Variants in KCNJ6 observed in about 807,000 individuals in gnomAD.
KCNJ6 encodes the protein potassium inwardly rectifying channel subfamily J member 6.
Under a neutral mutation model 34.2 loss-of-function variants are expected in KCNJ6, and 9 were observed. The observed-to-expected ratio is 0.26, with a 90% CI of 0.16 to 0.46. The LOEUF (loss-of-function observed/expected upper bound fraction) is 0.46. Ranked by LOEUF, KCNJ6 falls within the 20% of genes least tolerant of loss-of-function variation. The probability of loss-of-function intolerance (pLI) is 1.00; values close to 1 mark genes in which losing one functional copy is unlikely to be tolerated. For missense variants in KCNJ6, 236 were observed against 531.3 expected, an observed-to-expected ratio of 0.44 and a Z score of 5.46; for synonymous variants, 196 against 207.1, an observed-to-expected ratio of 0.95 and a Z score of 0.46.
chr21:37,667,794 G>T (rs1283117772), intron 3 of KCNJ6, among the ~76,000 whole-genome samples: 5 of 152,004 alleles, frequency 3.3e-5, no homozygotes, highest in Non-Finnish European at 7.4e-5. Flanking sequence ...TCCATATATT[G>T]CCCTCTGTCT....
chr21:37,842,956 TG>T (rs542293382), intron 1 of KCNJ6, among the ~76,000 whole-genome samples: 41 of 152,304 alleles, frequency 2.7e-4, no homozygotes, highest in African/African-American at 9.6e-4. Context: ...CCTTGTGTCC[TG>T]GTCTGTGACT....
At chr21:37,867,701 C>T (rs2055629898) in intron 1 of KCNJ6, among the ~76,000 whole-genome samples, 2 of 152,160 alleles carry the variant, frequency 1.3e-5, no homozygotes, top group Non-Finnish European at 2.9e-5. Flanking sequence ...TAGAACCACA[C>T]AGCAGATGGT....
intron 1 of KCNJ6, among the ~76,000 whole-genome samples, chr21:37,908,077 A>G (rs2055850185): frequency 6.6e-6 from 1 of 152,218 alleles, no homozygotes; most frequent in South Asian, 2.1e-4. Context: ...ACTGGTATTT[A>G]CTGTTTCATT....
chr21:37,796,074 T>C (rs1568851533), intron 2 of KCNJ6, among the ~76,000 whole-genome samples: 1 of 152,168 alleles, frequency 6.6e-6, no homozygotes, highest in Non-Finnish European at 1.5e-5. Context: ...CTGGAGTCTG[T>C]TGGGAGAGAG....
At chr21:37,749,690 T>G (rs183838873) in intron 2 of KCNJ6, among the ~76,000 whole-genome samples, 2 of 152,188 alleles carry the variant, frequency 1.3e-5, no homozygotes, top group African/African-American at 4.8e-5. Flanking sequence ...GGGGTCATGA[T>G]CCAAAGGAAC....
At chr21:37,629,225 C>G (rs920096985) in intron 3 of KCNJ6, among the ~76,000 whole-genome samples, 3 of 152,042 alleles carry the variant, frequency 2.0e-5, no homozygotes, top group African/African-American at 7.2e-5. Flanking sequence ...AAGGTTATTC[C>G]ATTTTATGGC....
intron 2 of KCNJ6, among the ~76,000 whole-genome samples, chr21:37,799,882 T>A (rs1202314815): frequency 1.3e-5 from 2 of 152,330 alleles, no homozygotes; most frequent in African/African-American, 4.8e-5. Flanking sequence ...GATTCTATTT[T>A]AAAGTTACAA....
At chr21:37,857,614 G>C (rs1012831367) in intron 1 of KCNJ6, among the ~76,000 whole-genome samples, 2 of 152,190 alleles carry the variant, frequency 1.3e-5, no homozygotes, top group African/African-American at 4.8e-5. Flanking sequence ...CCCGGAATTA[G>C]ACAGAACTTT....
chr21:37,650,256 A>G (rs2054427069), intron 3 of KCNJ6, among the ~76,000 whole-genome samples: 1 of 152,088 alleles, frequency 6.6e-6, no homozygotes, highest in South Asian at 2.1e-4. Flanking sequence ...GGGTGGGCAG[A>G]TAGGGTTGTT....
chr21:37,904,070 T>C (rs1390609703), intron 1 of KCNJ6, among the ~76,000 whole-genome samples: 2 of 152,262 alleles, frequency 1.3e-5, no homozygotes, highest in African/African-American at 4.8e-5. Flanking sequence ...TAAATTCTCC[T>C]ATCCCACAAC....
At chr21:37,902,155 G>A (rs2055819917) in intron 1 of KCNJ6, among the ~76,000 whole-genome samples, 2 of 152,236 alleles carry the variant, frequency 1.3e-5, no homozygotes, top group Admixed American at 1.3e-4. Context: ...AGGCAACCCA[G>A]AAGAACAATG....
At chr21:37,748,084 G>C (rs2054976800) in intron 2 of KCNJ6, among the ~76,000 whole-genome samples, 1 of 152,166 alleles carries the variant, frequency 6.6e-6, no homozygotes, top group African/African-American at 2.4e-5. Flanking sequence ...AGCAAGACCA[G>C]AAACCCCTCC....
At chr21:37,793,267 A>G (rs4817889) in intron 2 of KCNJ6, among the ~76,000 whole-genome samples, 141,923 of 152,250 alleles carry the variant, frequency 0.93, 66,295 homozygotes, top group East Asian at 1. Flanking sequence ...CATATGGAGG[A>G]ATGGTGCAGG....
chr21:37,719,360 C>CG (rs1398013572), intron 2 of KCNJ6: 1 of 152,114 alleles, frequency 6.6e-6, no homozygotes, highest in South Asian at 2.1e-4. Context: ...TGAATTTGAG[C>CG]GGGGGATCTG....
rs375004899 is a variant in KCNJ6 at position 37,836,103 on chromosome 21, A to G, written c.25+4555T>C. On this transcript the variant is annotated intron_variant, in intron 2 of 3. Transcript: ENST00000609713. ...AGGATATGAACAGGCACTTGTCAAA[A>G]GAAGACATTTATGCAGCCAACAAAC... 3.9e-5 allele frequency among the ~76,000 whole-genome samples: 6 copies of G among 152,388 alleles called. No homozygotes were observed. In the East Asian group the frequency reaches 9.6e-4, roughly 24 times the overall value.
intron 2 of KCNJ6, among the ~76,000 whole-genome samples, chr21:37,822,383 T>C (rs2123555043): frequency 6.6e-6 from 1 of 151,788 alleles, no homozygotes; most frequent in Middle Eastern, 3.4e-3. Flanking sequence ...CCCAAGTGCC[T>C]GGTTCCATTT....
intron 1 of KCNJ6, among the ~76,000 whole-genome samples, chr21:37,863,909 T>C (rs2055608690): frequency 6.9e-6 from 1 of 144,854 alleles, no homozygotes; most frequent in Non-Finnish European, 1.5e-5. Flanking sequence ...TCTGCTATAT[T>C]GGCAGTTTGG....
chr21:37,751,344 T>C (rs1432722591), intron 2 of KCNJ6, among the ~76,000 whole-genome samples: 2 of 152,098 alleles, frequency 1.3e-5, no homozygotes, highest in African/African-American at 2.4e-5. Context: ...ACATGGAGAG[T>C]GTTACCTGCT....
intron 3 of KCNJ6, among the ~76,000 whole-genome samples, chr21:37,640,675 T>C (rs2835850): frequency 0.25 from 37,759 of 152,260 alleles, 5,306 homozygotes; most frequent in South Asian, 0.31. Context: ...GGGTTTACTT[T>C]ACATATACTT....
Sources: allele counts gnomAD v4.1 joint callset (sites outside exome capture counted in the v4.1 genomes callset), GRCh38; gene constraint gnomAD v4.1.1; transcripts MANE v1.5; gene names NCBI Gene and HGNC (gene_info 2026-07-23, HGNC 2026-07-21).